PKN2: variants seen among roughly 807,000 people sequenced by gnomAD.
The protein encoded by PKN2 is serine/threonine-protein kinase N2.
In PKN2, 38 loss-of-function variants were observed where a neutral mutation model predicts 119.1. The ratio of observed to expected loss-of-function variants is 0.32; its 90% CI spans 0.25 to 0.42. The LOEUF (loss-of-function observed/expected upper bound fraction) is 0.42, where lower values mean the gene tolerates loss of function less well. PKN2 is among the 10% of genes least tolerant of loss of function. The probability of loss-of-function intolerance (pLI) is 1.00; values close to 1 mark genes in which losing one functional copy is unlikely to be tolerated. For synonymous variants in PKN2, 390 were observed against 384.9 expected, an observed-to-expected ratio of 1.01 and a Z score of -0.15; for missense variants, 850 against 1,165.1, an observed-to-expected ratio of 0.73 and a Z score of 3.94.
chr1:88,795,287 C>T (rs1390692906), intron 8 of PKN2, among the ~76,000 whole-genome samples: 1 of 152,170 alleles, frequency 6.6e-6, no homozygotes, highest in African/African-American at 2.4e-5. Flanking sequence ...TCTTTCTAGT[C>T]TCCTATAGCC....
Position 88,807,540 on chromosome 1 carries a change from G to T in PKN2, c.1946G>T (p.Arg649Met), listed in dbSNP as rs1027330042. Residue 649 changes from arginine to methionine, a missense_variant, in exon 14 of 22, where the codon AGG (arginine) becomes ATG (methionine). Arg to Met is a moderately conservative substitution (Grantham distance 91). Coordinates refer to ENST00000370521, the MANE Select transcript of PKN2 (RefSeq NM_006256.4). ...ATTTCTCTTTTCAGATCTCAGCAAA[G>T]GTTTCAGTTTAATCTACAAGATTTC... Reference protein sequence around the residue: ...QELEDRRSQQRFQFNLQDFRC... With the variant: ...QELEDRRSQQMFQFNLQDFRC... 1.2e-6 allele frequency: 2 copies of T among 1,611,680 alleles called. No homozygotes were observed. Among genetic ancestry groups the T allele is most frequent in the Non-Finnish European group, 1.7e-6 (2 of 1,178,404 alleles).
At chr1:88,696,425 C>T (rs1055382969) in intron 1 of PKN2, among the ~76,000 whole-genome samples, 3 of 152,176 alleles carry the variant, frequency 2.0e-5, no homozygotes, top group African/African-American at 4.8e-5. Flanking sequence ...GTTCTCTTTT[C>T]TTTAAGTATG....
At chr1:88,766,447 T>TG (rs1669672224) in intron 3 of PKN2, among the ~76,000 whole-genome samples, 1 of 152,222 alleles carries the variant, frequency 6.6e-6, no homozygotes, top group Non-Finnish European at 1.5e-5. Context: ...GTTATTTTTT[T>TG]GTAAAATAAA....
rs796401782 is a variant in PKN2 at position 88,730,164 on chromosome 1, CA to C, written c.49-10811del. Reference sequence around the variant, plus strand: ...TGGGCGACAGAACGAGACTCCGTCTCAAAAAAAAAAAAACACCAGTCTTTAT... The same window carrying C: ...TGGGCGACAGAACGAGACTCCGTCTCAAAAAAAAAAAACACCAGTCTTTAT... On this transcript the variant is annotated intron_variant, in intron 1 of 21. Coordinates refer to ENST00000370521, the MANE Select transcript of PKN2 (RefSeq NM_006256.4). Among the ~76,000 whole-genome samples the C allele has an allele frequency of 2.5e-3, 291 of 115,596 alleles. 5 individuals are homozygous for C. In the East Asian group the frequency reaches 0.052, roughly 21 times the overall value. The allele number at this position is 115,596 out of a possible 152,430, so 75.8% of individuals were successfully genotyped here. A position where few individuals can be genotyped will look rare whatever the true frequency, so the allele number is the denominator to read the frequency against.
intron 1 of PKN2, among the ~76,000 whole-genome samples, chr1:88,729,748 A>G (rs1454884998): frequency 2.0e-5 from 3 of 152,158 alleles, no homozygotes; most frequent in Non-Finnish European, 2.9e-5. Context: ...TGTGAATGCA[A>G]AGAGGCAGGA....
chr1:88,833,246 T>G lies in PKN2; in HGVS notation c.2753T>G (p.Leu918Arg), dbSNP rs1672805094. Residue 918 changes from leucine (L) to arginine (R), a missense_variant and splice_region_variant, in exon 22 of 22, where the codon CTA becomes CGA. Transcript: ENST00000370521. ...EDVKKHPFFR[L>R]IDWSALMDKK... ...GTCATTTTTTATTTTATGATCCAGC[T>G]AATTGATTGGAGCGCTCTGATGGAC... 1 of 1,612,704 alleles carries G rather than the reference T, an allele frequency of 6.2e-7. No homozygotes were observed. Among genetic ancestry groups the G allele is most frequent in the Non-Finnish European group, 8.5e-7 (1 of 1,179,176 alleles).
chr1:88,725,777 T>C (rs753095406), intron 1 of PKN2, among the ~76,000 whole-genome samples: 42 of 152,208 alleles, frequency 2.8e-4, no homozygotes, highest in Non-Finnish European at 5.3e-4. Context: ...GATCATGCTA[T>C]TGGTGTCCTA....
chr1:88,772,026 A>G, intron 6 of PKN2, 147 bp downstream of exon 6: 1 of 606,038 alleles, frequency 1.7e-6, no homozygotes. Flanking sequence ...AACCATTTTA[A>G]TTTTATTCAA....
intron 1 of PKN2, among the ~76,000 whole-genome samples, chr1:88,693,964 T>G (rs1444408682): frequency 6.6e-6 from 1 of 152,206 alleles, no homozygotes. Flanking sequence ...GGATTTGTTG[T>G]TTTTTAATAG....
intron 12 of PKN2, among the ~76,000 whole-genome samples, chr1:88,806,904 G>A (rs1671564562): frequency 6.6e-6 from 1 of 151,918 alleles, no homozygotes; most frequent in Admixed American, 6.6e-5. Context: ...TTTTAGTAGA[G>A]ATAGGGTTTC....
chr1:88,729,828 T>C (rs1255151463), intron 1 of PKN2, among the ~76,000 whole-genome samples: 2 of 152,208 alleles, frequency 1.3e-5, no homozygotes, highest in Non-Finnish European at 1.5e-5. Flanking sequence ...CCTTGAAATC[T>C]ATTATTTCTT....
intron 6 of PKN2, among the ~76,000 whole-genome samples, chr1:88,772,247 G>T (rs1669925646): frequency 6.6e-6 from 1 of 152,116 alleles, no homozygotes; most frequent in Non-Finnish European, 1.5e-5. Context: ...TATAATTTGT[G>T]ACCTTTTTTG....
intron 3 of PKN2, among the ~76,000 whole-genome samples, chr1:88,764,693 T>C (rs188195547): frequency 5.8e-4 from 88 of 152,328 alleles, no homozygotes; most frequent in African/African-American, 1.9e-3. Context: ...TATTATCCCT[T>C]TTATGACTAA....
intron 6 of PKN2, chr1:88,781,134 A>G: frequency 7.8e-7 from 1 of 1,276,406 alleles, no homozygotes; most frequent in South Asian, 1.3e-5. Context: ...AAGACTACAC[A>G]TGACGAAAAG....
chr1:88,693,849 C>A (rs1252968731), intron 1 of PKN2, among the ~76,000 whole-genome samples: 5 of 151,890 alleles, frequency 3.3e-5, no homozygotes, highest in African/African-American at 1.2e-4. Flanking sequence ...GCTTTTCATG[C>A]CCTTTTAAAT....
At chr1:88,765,681 G>A (rs190769169) in intron 3 of PKN2, among the ~76,000 whole-genome samples, 13 of 152,230 alleles carry the variant, frequency 8.5e-5, no homozygotes, top group Admixed American at 2.6e-4. Flanking sequence ...CGTCGTCGTC[G>A]TTATAAAAGC....
chr1:88,699,388 T>C (rs1287102476), intron 1 of PKN2, among the ~76,000 whole-genome samples: 1 of 152,210 alleles, frequency 6.6e-6, no homozygotes, highest in African/African-American at 2.4e-5. Flanking sequence ...AATTATTTAA[T>C]GTAATTTTAA....
intron 18 of PKN2, among the ~76,000 whole-genome samples, chr1:88,824,846 A>G (rs967298438): frequency 6.6e-6 from 1 of 152,270 alleles, no homozygotes; most frequent in African/African-American, 2.4e-5. Flanking sequence ...ATCAGAGGTA[A>G]CATAAGAAAG....
At chr1:88,719,734 AGTTTCATCTTTTCAACATTCTTAT>A (rs1322606991) in intron 1 of PKN2, among the ~76,000 whole-genome samples, 3 of 152,146 alleles carry the variant, frequency 2.0e-5, no homozygotes, top group Non-Finnish European at 2.9e-5. Context: ...AAAACAATTT[AGTTTCATCTTTTCAACATTCTTAT>A]GTTTCATCTT....
Sources: gnomAD v4.1 joint callset for allele counts (sites outside exome capture counted in the v4.1 genomes callset) on GRCh38, gnomAD v4.1.1 for gene constraint, MANE v1.5 for transcripts, NCBI Gene and HGNC (gene_info 2026-07-23, HGNC 2026-07-21) for gene names.